CNTNAP5: variants seen among roughly 807,000 people sequenced by gnomAD.
CNTNAP5 encodes contactin associated protein family member 5.
A neutral mutation model predicts 150.2 loss-of-function variants in CNTNAP5; 72 were observed. That is an observed-to-expected ratio of 0.48 (90% CI 0.40 to 0.58). The LOEUF is 0.58. Among genes scored for constraint, CNTNAP5 ranks in the 20% least tolerant of loss-of-function variants. CNTNAP5 has a pLI of 0.00. For missense variants in CNTNAP5, 1,636 were observed against 1,626.2 expected, an observed-to-expected ratio of 1.01 and a Z score of -0.10; for synonymous variants, 672 against 619.8, an observed-to-expected ratio of 1.08 and a Z score of -1.25.
rs139583579 is a variant in CNTNAP5, at chr2:124,720,711, T to G, written c.2078-26518T>G. Among the ~76,000 whole-genome samples the G allele has an allele frequency of 3.1e-3, 469 of 152,302 alleles. 1 individual carries two copies. Among genetic ancestry groups the G allele is most frequent in the Middle Eastern group, 6.8e-3 (2 of 294 alleles). ...AATAAAAACCACAACACTCAGAAAT[T>G]AAAATGTCAACTTTGAATCAATTTG... On this transcript the variant is annotated intron_variant, in intron 13 of 23. Transcript: ENST00000682447.
chr2:124,108,211 C>A (rs1683210366), intron 1 of CNTNAP5, among the ~76,000 whole-genome samples: 1 of 152,110 alleles, frequency 6.6e-6, no homozygotes, highest in Admixed American at 6.6e-5. Flanking sequence ...GAATTTTAAC[C>A]TTAGAGCTCT....
chr2:124,870,930 A>C (rs1677734060), intron 21 of CNTNAP5, among the ~76,000 whole-genome samples: 2 of 152,100 alleles, frequency 1.3e-5, no homozygotes, highest in Non-Finnish European at 2.9e-5. Flanking sequence ...TAAAGGGTTT[A>C]TAATTTCCAG....
chr2:124,512,157 T>C (rs954441200), intron 8 of CNTNAP5, among the ~76,000 whole-genome samples: 5 of 151,764 alleles, frequency 3.3e-5, no homozygotes, highest in African/African-American at 1.2e-4. Flanking sequence ...GGTTGGTATA[T>C]GTGAACATCT....
At chr2:124,912,094 C>T (rs1558823701) in intron 23 of CNTNAP5, among the ~76,000 whole-genome samples, 1 of 152,050 alleles carries the variant, frequency 6.6e-6, no homozygotes, top group Non-Finnish European at 1.5e-5. Flanking sequence ...TTCTCATTGC[C>T]TGTTGGCCTC....
chr2:124,549,946 G>T (rs1695592824), intron 10 of CNTNAP5, among the ~76,000 whole-genome samples: 1 of 152,216 alleles, frequency 6.6e-6, no homozygotes, highest in Admixed American at 6.5e-5. Context: ...GAGCAGCGGT[G>T]CCCTCTCTGT....
intron 3 of CNTNAP5, among the ~76,000 whole-genome samples, chr2:124,347,255 C>A (rs1264956399): frequency 3.3e-5 from 5 of 152,104 alleles, no homozygotes; most frequent in Admixed American, 2.0e-4. Context: ...CCTCTCATGA[C>A]GGGGCATCTG....
chr2:124,842,086 C>A (rs1682955814), intron 19 of CNTNAP5, among the ~76,000 whole-genome samples: 1 of 152,094 alleles, frequency 6.6e-6, no homozygotes, highest in South Asian at 2.1e-4. Flanking sequence ...ATAAAATTTA[C>A]ACAGCTGCCT....
At chr2:124,754,175 T>C (rs940216795) in intron 14 of CNTNAP5, among the ~76,000 whole-genome samples, 15 of 152,102 alleles carry the variant, frequency 9.9e-5, no homozygotes, top group Admixed American at 2.6e-4. Flanking sequence ...TTAGACCACA[T>C]AGTATCTTGA....
chr2:124,278,897 T>A (rs1687949380), intron 3 of CNTNAP5, among the ~76,000 whole-genome samples: 1 of 152,162 alleles, frequency 6.6e-6, no homozygotes, highest in African/African-American at 2.4e-5. Flanking sequence ...TCTAACATAA[T>A]TTAGTATTGA....
chr2:124,184,744 G>A (rs1188017859), intron 1 of CNTNAP5, among the ~76,000 whole-genome samples: 1 of 152,166 alleles, frequency 6.6e-6, no homozygotes, highest in African/African-American at 2.4e-5. Context: ...GAGAGGCACA[G>A]CCTGAAGAGA....
At chr2:124,240,301 T>A (rs1476035216) in intron 2 of CNTNAP5, among the ~76,000 whole-genome samples, 1 of 152,178 alleles carries the variant, frequency 6.6e-6, no homozygotes, top group Non-Finnish European at 1.5e-5. Flanking sequence ...ACTGTGATTC[T>A]GCCATCATCT....
intron 22 of CNTNAP5, among the ~76,000 whole-genome samples, chr2:124,904,060 AAAAAC>A (rs1420601301): frequency 3.4e-5 from 5 of 146,904 alleles, no homozygotes; most frequent in Non-Finnish European, 5.9e-5. Context: ...TTTCAAAAAA[AAAAAC>A]AAAAAAAAAA....
At chr2:124,648,828 T>C (rs888484527) in intron 13 of CNTNAP5, among the ~76,000 whole-genome samples, 12 of 152,306 alleles carry the variant, frequency 7.9e-5, no homozygotes, top group Admixed American at 5.2e-4. Flanking sequence ...CTGAAGTATC[T>C]AAGAAAGGGT....
intron 22 of CNTNAP5, among the ~76,000 whole-genome samples, chr2:124,906,814 A>C (rs1281401533): frequency 1.3e-5 from 2 of 152,060 alleles, no homozygotes. Flanking sequence ...TTTATGTTTC[A>C]CCATTTTATT....
chr2:124,475,002 C>T, intron 7 of CNTNAP5, 120 bp downstream of exon 7: 1 of 745,290 alleles, frequency 1.3e-6, no homozygotes, highest in Non-Finnish European at 2.1e-6. Flanking sequence ...GAGTTCCCAT[C>T]AGCGTCTGAC....
chr2:124,703,010 T>G (rs542235361), intron 13 of CNTNAP5, among the ~76,000 whole-genome samples: 2 of 152,266 alleles, frequency 1.3e-5, no homozygotes, highest in African/African-American at 4.8e-5. Flanking sequence ...GCTGTTCTCA[T>G]GTCAGAATAA....
At chr2:124,445,081 CTTT>C (rs1006938474) in intron 5 of CNTNAP5, among the ~76,000 whole-genome samples, 8 of 131,806 alleles carry the variant, frequency 6.1e-5, no homozygotes, top group Admixed American at 7.8e-5. Flanking sequence ...ACACAAATAT[CTTT>C]TTTTTTTTTT....
chr2:124,231,977 G>A (rs778748095), intron 2 of CNTNAP5, among the ~76,000 whole-genome samples: 3 of 152,082 alleles, frequency 2.0e-5, no homozygotes, highest in Non-Finnish European at 4.4e-5. Context: ...CAAGAAAGAA[G>A]CGAATTTCAT....
At chr2:124,866,628 C>T (rs765967522) in intron 20 of CNTNAP5, among the ~76,000 whole-genome samples, 18 of 152,072 alleles carry the variant, frequency 1.2e-4, no homozygotes, top group Non-Finnish European at 2.6e-4. Context: ...CTAAAGCTGT[C>T]TGAAAGCATG....
Sources: gnomAD v4.1 joint callset for allele counts (sites outside exome capture counted in the v4.1 genomes callset) on GRCh38, gnomAD v4.1.1 for gene constraint, MANE v1.5 for transcripts, NCBI Gene and HGNC (gene_info 2026-07-23, HGNC 2026-07-21) for gene names.